Variants in VWF observed in about 807,000 individuals in gnomAD.
VWF encodes the protein Factor VIII related antigen.
A neutral mutation model predicts 308.6 loss-of-function variants in VWF; 176 were observed. The ratio of observed to expected loss-of-function variants is 0.57; its 90% CI spans 0.50 to 0.65. The LOEUF is 0.65. VWF is among the 30% of genes least tolerant of loss of function. The pLI, the probability that VWF is intolerant of heterozygous loss-of-function variation, is 0.00. For missense variants in VWF, 3,146 were observed against 3,648.2 expected (o/e 0.86, Z 3.55); for synonymous variants, 1,385 against 1,443.4 (o/e 0.96, Z 0.92).
At chr12:6,006,351 A>T (rs1436567632) in intron 34 of VWF, among the ~76,000 whole-genome samples, 1 of 152,230 alleles carries the variant, frequency 6.6e-6, no homozygotes, top group Non-Finnish European at 1.5e-5. Flanking sequence ...AGGGACAAAA[A>T]AGCTACAAGA....
At chr12:6,087,216 C>G (rs531681611) in intron 6 of VWF, among the ~76,000 whole-genome samples, 4 of 151,914 alleles carry the variant, frequency 2.6e-5, no homozygotes, top group Non-Finnish European at 2.9e-5. Flanking sequence ...TTCAGGGACA[C>G]GGAAGGACAG....
chr12:6,054,668 G>A (rs1944556592), intron 15 of VWF, among the ~76,000 whole-genome samples: 1 of 152,172 alleles, frequency 6.6e-6, no homozygotes, highest in Admixed American at 6.5e-5. Flanking sequence ...CCCAAAGGGA[G>A]CACAACCAAT....
intron 31 of VWF, among the ~76,000 whole-genome samples, chr12:6,015,446 CA>C (rs1944045093): frequency 1.3e-5 from 2 of 151,894 alleles, no homozygotes; most frequent in Admixed American, 1.3e-4. Context: ...GAAAGATGAA[CA>C]GTTCTCCAGG....
At chr12:6,022,400 A>G (rs1383170116) in intron 26 of VWF, among the ~76,000 whole-genome samples, 3 of 152,160 alleles carry the variant, frequency 2.0e-5, no homozygotes, top group Non-Finnish European at 4.4e-5. Context: ...CGTTAAATTA[A>G]GTAAAATTCA....
intron 41 of VWF, among the ~76,000 whole-genome samples, chr12:5,982,793 TG>T (rs1174992503): frequency 6.6e-6 from 1 of 152,164 alleles, no homozygotes; most frequent in Non-Finnish European, 1.5e-5. Context: ...TAAGATCCAA[TG>T]ATGAGGGGAA....
intron 3 of VWF, among the ~76,000 whole-genome samples, chr12:6,118,866 T>C (rs770002852): frequency 2.0e-5 from 3 of 151,240 alleles, no homozygotes; most frequent in Non-Finnish European, 4.4e-5. Flanking sequence ...GGGGCAGGGG[T>C]TCAGGGGTTC....
chr12:6,103,384 ACG>A (rs1565390817), intron 5 of VWF, among the ~76,000 whole-genome samples: 2,912 of 135,664 alleles, frequency 0.021, 128 homozygotes, highest in African/African-American at 0.079. Flanking sequence ...GTGTGTATAC[ACG>A]TGTGTGTATA....
intron 6 of VWF, among the ~76,000 whole-genome samples, chr12:6,088,050 A>T (rs1378598655): frequency 1.3e-5 from 2 of 152,236 alleles, no homozygotes; most frequent in African/African-American, 2.4e-5. Context: ...CACACAGTCC[A>T]CACAGTGGCA....
At chr12:6,097,434 C>CCAAAACAAAAGA (rs770680353) in intron 5 of VWF, among the ~76,000 whole-genome samples, 1 of 151,808 alleles carries the variant, frequency 6.6e-6, no homozygotes, top group Non-Finnish European at 1.5e-5. Flanking sequence ...TGACTCCATC[C>CCAAAACAAAAGA]CAAAACAAAA....
At chr12:6,119,020 C>T (rs1192963878) in intron 3 of VWF, among the ~76,000 whole-genome samples, 1 of 152,250 alleles carries the variant, frequency 6.6e-6, no homozygotes, top group Non-Finnish European at 1.5e-5. Context: ...GTTACCACGG[C>T]CAAGGCCATT....
At chr12:6,084,082 A>G (rs953363843) in intron 6 of VWF, among the ~76,000 whole-genome samples, 74 of 152,360 alleles carry the variant, frequency 4.9e-4, no homozygotes, top group African/African-American at 1.4e-3. Context: ...CTTAGATTGT[A>G]TAAGTCCTGT....
At chr12:6,059,935 C>A (rs1944635085) in intron 13 of VWF, among the ~76,000 whole-genome samples, 1 of 152,220 alleles carries the variant, frequency 6.6e-6, no homozygotes, top group African/African-American at 2.4e-5. Flanking sequence ...CCACTCCCTT[C>A]CCGCCTCTCA....
At chr12:6,106,761 G>GC (rs1455930481) in intron 5 of VWF, among the ~76,000 whole-genome samples, 2 of 151,202 alleles carry the variant, frequency 1.3e-5, no homozygotes, top group African/African-American at 2.4e-5. Flanking sequence ...TGTAATCCCA[G>GC]CTACTAGGGA....
At chr12:6,105,885 A>G (rs1482651641) in intron 5 of VWF, among the ~76,000 whole-genome samples, 2 of 151,882 alleles carry the variant, frequency 1.3e-5, no homozygotes, top group Non-Finnish European at 2.9e-5. Context: ...AAATACAAAA[A>G]AAAAAAAATT....
Position 6,072,405 on chromosome 12 carries a change from G to A in VWF, c.1035C>T (p.Ser345=), listed in dbSNP as rs1266833344. The change falls in exon 9 of 52, where the codon AGC becomes AGT. Residue 345 remains serine (S), a synonymous_variant. Transcript: ENST00000261405. Reference sequence around the variant, plus strand: ...CGGAATGCACGCAGGGACACTCGGTGCTCTCCACGCAGAGGCCTTCATCCA... The same window carrying A: ...CGGAATGCACGCAGGGACACTCGGTACTCTCCACGCAGAGGCCTTCATCCA... ...QLLDEGLCVE[S]TECPCVHSGK... The A allele has an allele frequency of 6.2e-7, 1 of 1,614,108 alleles. No homozygotes were observed. Among genetic ancestry groups the A allele is most frequent in the East Asian group, 2.2e-5 (1 of 44,880 alleles).
chr12:6,101,657 T>C (rs1419328530), intron 5 of VWF, among the ~76,000 whole-genome samples: 6 of 151,950 alleles, frequency 3.9e-5, no homozygotes, highest in Admixed American at 1.3e-4. Context: ...GCGCCTGTAG[T>C]CCCAGTTATT....
intron 47 of VWF, among the ~76,000 whole-genome samples, chr12:5,959,302 A>G (rs761759629): frequency 3.3e-5 from 5 of 152,220 alleles, no homozygotes; most frequent in Non-Finnish European, 7.3e-5. Context: ...GGATGCATCT[A>G]CAGAACTTCA....
intron 13 of VWF, among the ~76,000 whole-genome samples, chr12:6,062,119 A>G (rs1227217913): frequency 6.6e-6 from 1 of 152,228 alleles, no homozygotes; most frequent in Non-Finnish European, 1.5e-5. Flanking sequence ...AAATACCAAT[A>G]AATATAATCC....
chr12:6,011,181 T>G (rs1943988918), intron 34 of VWF, among the ~76,000 whole-genome samples: 1 of 152,196 alleles, frequency 6.6e-6, no homozygotes, highest in Non-Finnish European at 1.5e-5. Context: ...GGACTTTAAA[T>G]ATTTCCTCCT....
Sources: allele counts gnomAD v4.1 joint callset (sites outside exome capture counted in the v4.1 genomes callset), GRCh38; gene constraint gnomAD v4.1.1; transcripts MANE v1.5; gene names NCBI Gene and HGNC (gene_info 2026-07-23, HGNC 2026-07-21).